The following IFT80 variants were observed in gnomAD, a reference collection of about 807,000 sequenced individuals.
The protein encoded by IFT80 is intraflagellar transport 80.
Under a neutral mutation model 107.9 loss-of-function variants are expected in IFT80, and 79 were observed. That is an observed-to-expected ratio of 0.73 (90% confidence interval 0.61 to 0.88). The LOEUF (loss-of-function observed/expected upper bound fraction) is 0.88, where lower values mean the gene tolerates loss of function less well. Among genes scored for constraint, IFT80 ranks in the 40% least tolerant of loss-of-function variants. IFT80 has a pLI of 0.00. For missense variants in IFT80, 797 were observed against 914.2 expected (o/e 0.87, Z 1.65); for synonymous variants, 299 against 300.9 (o/e 0.99, Z 0.07).
intron 1 of IFT80, among the ~76,000 whole-genome samples, chr3:160,385,232 T>C (rs528621186): frequency 2.0e-5 from 3 of 152,258 alleles, no homozygotes; most frequent in Admixed American, 2.0e-4. Context: ...ACAGTGTAAT[T>C]GCCACATAAA....
chr3:160,292,324 T>C (rs2108253207), intron 12 of IFT80, among the ~76,000 whole-genome samples: 1 of 152,156 alleles, frequency 6.6e-6, no homozygotes, highest in Middle Eastern at 3.4e-3. Context: ...TTCCCCAGAG[T>C]AATGGTTTGG....
intron 8 of IFT80, among the ~76,000 whole-genome samples, chr3:160,342,418 G>A (rs1451795664): frequency 6.6e-6 from 1 of 152,168 alleles, no homozygotes; most frequent in Non-Finnish European, 1.5e-5. Context: ...TGAGGGAAGA[G>A]ACTATTTTTT....
At chr3:160,379,742 T>C (rs907331212) in intron 3 of IFT80, among the ~76,000 whole-genome samples, 2 of 152,342 alleles carry the variant, frequency 1.3e-5, no homozygotes, top group Admixed American at 6.5e-5. Context: ...AACACTCCCT[T>C]TATCACCTGA....
intron 9 of IFT80, among the ~76,000 whole-genome samples, chr3:160,310,338 G>A (rs1380275991): frequency 2.0e-5 from 3 of 152,128 alleles, no homozygotes; most frequent in Non-Finnish European, 4.4e-5. Context: ...GAAACACACA[G>A]AAAATGTTAA....
At chr3:160,303,892 AGT>A in intron 11 of IFT80, 21 bp downstream of exon 11, 1 of 1,459,488 alleles carries the variant, frequency 6.9e-7, no homozygotes, top group Non-Finnish European at 9.6e-7. Flanking sequence ...CCCCAGATCC[AGT>A]AGTTAAACAT....
intron 16 of IFT80, among the ~76,000 whole-genome samples, chr3:160,278,453 G>C (rs1014771913): frequency 1.3e-5 from 2 of 152,104 alleles, no homozygotes; most frequent in African/African-American, 2.4e-5. Context: ...AATCAGACAC[G>C]GCCTCCTCAA....
chr3:160,277,514 A>T (rs1258041910), intron 17 of IFT80, 36 bp from the exon 18 acceptor site: 1 of 1,572,936 alleles, frequency 6.4e-7, no homozygotes, highest in Admixed American at 1.7e-5. Context: ...AGTAGATAGT[A>T]ACAGAAATAT....
At position 160,265,994 on chromosome 3, in the gene IFT80, G is replaced by T. The variant is rs200325642; in HGVS notation, c.2223+2419C>A. ...ATATCCCCAAGAGCTATTTTCCCAGGGTTACATTTTATTTCATTGGTGGGA... is the reference window on the plus strand; with the variant it reads ...ATATCCCCAAGAGCTATTTTCCCAGTGTTACATTTTATTTCATTGGTGGGA... On this transcript the variant is annotated intron_variant, in intron 19 of 19. Transcript: ENST00000326448. Among the ~76,000 whole-genome samples the T allele has an allele frequency of 2.0e-5, 3 of 151,876 alleles. No homozygotes were observed. In the East Asian group the frequency reaches 5.8e-4, roughly 29 times the overall value.
chr3:160,268,306 G>T, intron 19 of IFT80, 107 bp downstream of exon 19: 1 of 1,002,260 alleles, frequency 1.0e-6, no homozygotes, highest in Non-Finnish European at 1.5e-6. Flanking sequence ...TCTTTTAGAG[G>T]TTAAAAGATT....
At chr3:160,314,671 G>A (rs1055705643) in intron 9 of IFT80, among the ~76,000 whole-genome samples, 4 of 152,150 alleles carry the variant, frequency 2.6e-5, no homozygotes, top group Non-Finnish European at 5.9e-5. Context: ...AAACAATTGC[G>A]ATTGTTTAGT....
intron 9 of IFT80, among the ~76,000 whole-genome samples, chr3:160,309,283 A>C (rs1013145835): frequency 1.3e-5 from 2 of 152,212 alleles, no homozygotes; most frequent in East Asian, 1.9e-4. Flanking sequence ...AATAGCCTAA[A>C]TGTCTATTGA....
rs1205995744 is a variant in IFT80, at chr3:160,268,549, A to G, written c.2100-13T>C. ...CAATTCCAGTGCCCTATAATGAGAAATAAAACAGATTATTAACATTGTTTG... is the reference window on the plus strand; with the variant it reads ...CAATTCCAGTGCCCTATAATGAGAAGTAAAACAGATTATTAACATTGTTTG... On this transcript the variant is annotated splice_polypyrimidine_tract_variant and intron_variant, in intron 18 of 19. Transcript: ENST00000326448. 1.2e-6 allele frequency: 2 copies of G among 1,611,676 alleles called. No homozygotes were observed. Among genetic ancestry groups the G allele is most frequent in the Non-Finnish European group, 1.7e-6 (2 of 1,178,178 alleles).
chr3:160,394,756 GA>G (rs377549918), intron 1 of IFT80, among the ~76,000 whole-genome samples: 23,070 of 139,804 alleles, frequency 0.17, 2,155 homozygotes, highest in Non-Finnish European at 0.22. Context: ...TCTCAAAAAA[GA>G]AAAAAAAAAA....
intron 19 of IFT80, among the ~76,000 whole-genome samples, chr3:160,261,688 C>G (rs987889421): frequency 6.7e-6 from 1 of 149,924 alleles, no homozygotes; most frequent in Non-Finnish European, 1.5e-5. Context: ...CTAGTCCCAT[C>G]TACTTAGAGG....
chr3:160,301,163 A>C (rs1030304983), intron 11 of IFT80, 117 bp from the exon 12 acceptor site: 1 of 980,422 alleles, frequency 1.0e-6, no homozygotes, highest in South Asian at 1.9e-5. Flanking sequence ...ATTAATGTAA[A>C]TGTGTAGATA....
rs1333257228 is a variant in IFT80, at chr3:160,307,677, T to C, written c.1062A>G (p.Gln354=). The C allele has an allele frequency of 1.3e-6, 2 of 1,539,082 alleles. No individual in the cohort carries two copies. Among genetic ancestry groups the C allele is most frequent in the Non-Finnish European group, 1.8e-6 (2 of 1,112,018 alleles). Residue 354 remains glutamine, a synonymous_variant, in exon 10 of 20, where the codon CAA becomes CAG. Transcript: ENST00000326448. ...AAGATGCTTACGAGAACACGTAACATTGAAGAGACGTTGAAACAACTAAGT... is the reference window on the plus strand; with the variant it reads ...AAGATGCTTACGAGAACACGTAACACTGAAGAGACGTTGAAACAACTAAGT... ...YAHLVVSTSL[Q]CYVFSTKNWN... is the part of the protein sequence containing the mutation.
chr3:160,375,754 T>A, intron 5 of IFT80, 58 bp downstream of exon 5: 1 of 1,174,696 alleles, frequency 8.5e-7, no homozygotes, highest in Non-Finnish European at 1.3e-6. Context: ...AGGAAAACTT[T>A]AAGGCATTTT....
At chr3:160,345,939 G>A (rs1383921068) in intron 8 of IFT80, among the ~76,000 whole-genome samples, 1 of 152,076 alleles carries the variant, frequency 6.6e-6, no homozygotes, top group Non-Finnish European at 1.5e-5. Context: ...TTGAGGGAAT[G>A]GATACCCCAT....
intron 8 of IFT80, among the ~76,000 whole-genome samples, chr3:160,350,688 G>A (rs978003884): frequency 7.2e-5 from 11 of 151,952 alleles, no homozygotes; most frequent in Admixed American, 2.0e-4. Flanking sequence ...GGTGATGTGC[G>A]CGTGTAGTCC....
Sources: allele counts gnomAD v4.1 joint callset (sites outside exome capture counted in the v4.1 genomes callset), GRCh38; gene constraint gnomAD v4.1.1; transcripts MANE v1.5; gene names NCBI Gene and HGNC (gene_info 2026-07-23, HGNC 2026-07-21).